Variants in SMAD3 observed in about 807,000 individuals in gnomAD.
SMAD3 encodes the protein SMAD family member 3.
Under a neutral mutation model 51.8 loss-of-function variants are expected in SMAD3, and 12 were observed. That is an observed-to-expected ratio of 0.23 (90% CI 0.15 to 0.38). The LOEUF is 0.38. SMAD3 is among the 10% of genes least tolerant of loss of function. The pLI, the probability that SMAD3 is intolerant of heterozygous loss-of-function variation, is 1.00. For synonymous variants in SMAD3, 238 were observed against 227.7 expected (o/e 1.05, Z -0.41); for missense variants, 294 against 565.6 (o/e 0.52, Z 4.87).
chr15:67,102,266 G>GTGTGTGTC (rs1960776991), intron 1 of SMAD3, among the ~76,000 whole-genome samples: 1 of 151,030 alleles, frequency 6.6e-6, no homozygotes, highest in South Asian at 2.1e-4. Flanking sequence ...GTGTGTGTGT[G>GTGTGTGTC]TGCGGTGTGT....
Position 67,167,287 on chromosome 15 carries a change from G to T in SMAD3, c.607+434G>T, listed in dbSNP as rs569839941. ...GGGCAGGACAGCCTGGTGCATTCTG[G>T]GGACAGTAAGAGCTCAGTGTGTCTG... On this transcript the variant is annotated intron_variant, in intron 4 of 8. Transcript: ENST00000327367. Among the ~76,000 whole-genome samples the T allele has an allele frequency of 7.9e-5, 12 of 152,268 alleles. No individual in the cohort carries two copies. In the South Asian group the frequency reaches 2.3e-3, roughly 29 times the overall value.
chr15:67,111,792 G>T (rs1352899592), intron 1 of SMAD3, among the ~76,000 whole-genome samples: 1 of 152,070 alleles, frequency 6.6e-6, no homozygotes, highest in Non-Finnish European at 1.5e-5. Flanking sequence ...TGTGTTTTTT[G>T]TTTGTTTGTT....
rs1961374774 is a variant in SMAD3 at position 67,125,921 on chromosome 15, C to G, written c.207-38974C>G. ...CTGGGTTCCCACAGGATGCGACATT[C>G]CCACAGGATGGGACAACTGCATGGA... On this transcript the variant is annotated intron_variant, in intron 1 of 8. Coordinates refer to ENST00000327367, the MANE Select transcript of SMAD3 (RefSeq NM_005902.4). 4.1e-6 allele frequency: 4 copies of G among 985,402 alleles called. No homozygotes were observed. In the South Asian group the frequency reaches 1.4e-4, roughly 35 times the overall value. 61.0% of individuals were successfully genotyped at this position (985,402 alleles called of 1,614,324 possible).
chr15:67,074,462 GC>G (rs1490919829), intron 1 of SMAD3, among the ~76,000 whole-genome samples: 1 of 152,206 alleles, frequency 6.6e-6, no homozygotes, highest in Non-Finnish European at 1.5e-5. Flanking sequence ...ATAAAGAAAG[GC>G]TGCACTTGAT....
intron 1 of SMAD3, among the ~76,000 whole-genome samples, chr15:67,136,200 G>T (rs1052280012): frequency 5.3e-5 from 8 of 152,110 alleles, no homozygotes; most frequent in African/African-American, 1.7e-4. Flanking sequence ...TAAATTCATT[G>T]CCTTTGACTT....
chr15:67,163,870 C>T (rs1595940547), intron 1 of SMAD3, among the ~76,000 whole-genome samples: 2 of 135,814 alleles, frequency 1.5e-5, no homozygotes, highest in South Asian at 2.4e-4. Context: ...GCCTGGGAGG[C>T]GGAGGTTGCA....
In SMAD3 at chr15:67,170,632, G is replaced by T. The variant is rs766374833; in HGVS notation, c.658+28G>T. On this transcript the variant is annotated intron_variant, in intron 5 of 8. Transcript: ENST00000327367. Reference sequence around the variant, plus strand: ...GAGTATCTCCTTGTGCACACAACTGGAACCCCCTCTAGCTGCAGCCCTGGC... The same window carrying T: ...GAGTATCTCCTTGTGCACACAACTGTAACCCCCTCTAGCTGCAGCCCTGGC... 6.9e-6 allele frequency: 11 copies of T among 1,605,228 alleles called. No homozygotes were observed. The East Asian group carries it at 2.2e-4, about 33-fold the overall frequency.
At chr15:67,108,427 C>T (rs1409430964) in intron 1 of SMAD3, among the ~76,000 whole-genome samples, 1 of 152,148 alleles carries the variant, frequency 6.6e-6, no homozygotes, top group Non-Finnish European at 1.5e-5. Flanking sequence ...CCATACCAGC[C>T]TGGAATGTCC....
intron 1 of SMAD3, among the ~76,000 whole-genome samples, chr15:67,126,432 A>G (rs1961389837): frequency 6.6e-6 from 1 of 152,084 alleles, no homozygotes; most frequent in African/African-American, 2.4e-5. Flanking sequence ...TAGATTTCTA[A>G]TGGAACTCTT....
intron 1 of SMAD3, among the ~76,000 whole-genome samples, chr15:67,101,473 G>C (rs1166936908): frequency 6.6e-6 from 1 of 152,146 alleles, no homozygotes; most frequent in Non-Finnish European, 1.5e-5. Context: ...GCATGTACTG[G>C]GTAGGCCTGC....
chr15:67,187,535 AG>A (rs747338609), intron 8 of SMAD3, 26 bp downstream of exon 8: 3 of 1,614,020 alleles, frequency 1.9e-6, no homozygotes, highest in Admixed American at 3.3e-5. Flanking sequence ...TGCCTACATC[AG>A]GGGACCCAAC....
intron 1 of SMAD3, among the ~76,000 whole-genome samples, chr15:67,134,436 G>T (rs1174783341): frequency 6.6e-6 from 1 of 152,144 alleles, no homozygotes; most frequent in East Asian, 1.9e-4. Context: ...TTGAGGTGAG[G>T]CCCTGTGATG....
chr15:67,069,657 T>C (rs1384760924), intron 1 of SMAD3, among the ~76,000 whole-genome samples: 2 of 152,000 alleles, frequency 1.3e-5, no homozygotes, highest in African/African-American at 2.4e-5. Context: ...AATTGGAGAA[T>C]TGAAGCAAAC....
intron 1 of SMAD3, chr15:67,098,870 A>G (rs771217356): frequency 8.5e-6 from 6 of 701,806 alleles, no homozygotes; most frequent in South Asian, 7.4e-5. Flanking sequence ...GAGGGCATAC[A>G]TGGATGGGAG....
chr15:67,123,632 G>A (rs117486824), intron 1 of SMAD3, among the ~76,000 whole-genome samples: 231 of 152,342 alleles, frequency 1.5e-3, no homozygotes, highest in Non-Finnish European at 2.7e-3. Context: ...TAATTTTACA[G>A]TATAGAATCC....
chr15:67,170,714 A>G (rs1595947286), intron 5 of SMAD3, 110 bp downstream of exon 5: 1 of 918,390 alleles, frequency 1.1e-6, no homozygotes, highest in East Asian at 2.4e-5. Flanking sequence ...GACCCCTACC[A>G]TCAGCCCAGC....
chr15:67,070,883 A>G (rs1259054405), intron 1 of SMAD3, among the ~76,000 whole-genome samples: 1 of 152,100 alleles, frequency 6.6e-6, no homozygotes, highest in African/African-American at 2.4e-5. Context: ...TCAAGTCAGG[A>G]TGAGATAAGT....
chr15:67,193,488 C>G lies in SMAD3; in HGVS notation c.*2952C>G, dbSNP rs777076242. On this transcript the variant is annotated 3_prime_UTR_variant, in exon 9 of 9. Coordinates refer to ENST00000327367, the MANE Select transcript of SMAD3 (RefSeq NM_005902.4). ...GTAACTTAGATGCTTCCAGCACATA[C>G]GTAGGTAGCTACCCCAGCCGGTTTG... 9 of 233,722 alleles carry G rather than the reference C, an allele frequency of 3.9e-5. No individual in the cohort carries two copies. Among genetic ancestry groups the G allele is most frequent in the Non-Finnish European group, 6.8e-5 (8 of 118,064 alleles). 14.5% of individuals were successfully genotyped at this position (233,722 alleles called of 1,614,324 possible). A position where few individuals can be genotyped will look rare whatever the true frequency, so the allele number is the denominator to read the frequency against.
chr15:67,083,069 A>C (rs575789296), intron 1 of SMAD3, among the ~76,000 whole-genome samples: 1 of 152,330 alleles, frequency 6.6e-6, no homozygotes, highest in East Asian at 1.9e-4. Context: ...ATGGGCCTGG[A>C]ACCAACAGCT....
Sources: gnomAD v4.1 joint callset for allele counts (sites outside exome capture counted in the v4.1 genomes callset) on GRCh38, gnomAD v4.1.1 for gene constraint, MANE v1.5 for transcripts, NCBI Gene and HGNC (gene_info 2026-07-23, HGNC 2026-07-21) for gene names.